Variants in METTL4 observed in about 807,000 individuals in gnomAD.
The protein encoded by METTL4 is methyltransferase 4, N6-adenosine, also known as N(6)-adenine-specific methyltransferase METTL4.
METTL4 carries 40 observed loss-of-function variants against 54.0 expected under a neutral mutation model. The observed-to-expected ratio is 0.74, with a 90% confidence interval of 0.58 to 0.96. METTL4 has a LOEUF of 0.96. METTL4 is among the 50% of genes least tolerant of loss of function. METTL4 has a pLI of 0.00. For synonymous variants in METTL4, 169 were observed against 183.8 expected (o/e 0.92, Z 0.65); for missense variants, 525 against 549.0 (o/e 0.96, Z 0.44).
In METTL4 at chr18:2,554,928, A is replaced by T; in HGVS notation, c.570T>A (p.Thr190=). The change falls in exon 4 of 9, where the codon ACT becomes ACA. Residue 190 remains threonine, a synonymous_variant. Transcript: ENST00000574538. ...ACAAACTGCAGGCGTCAAGTGGTAA[A>T]GTAATGGGCTTACTACCCTTGTCCT... The part of the protein sequence containing the change: ...EKQDKGSKPI[T]LPLDACSLSE... 6.2e-7 allele frequency: 1 copy of T among 1,614,158 alleles called. No individual in the cohort carries two copies. The highest frequency in any genetic ancestry group is 2.2e-5 in the East Asian group (1 of 44,876).
chr18:2,563,970 T>C, intron 2 of METTL4, 111 bp from the exon 3 acceptor site: 1 of 629,880 alleles, frequency 1.6e-6, no homozygotes, highest in Admixed American at 3.3e-5. Context: ...TAATAATTAA[T>C]AGTAGTAATT....
chr18:2,551,163 C>CAAAAAAA (rs752257490), intron 5 of METTL4, among the ~76,000 whole-genome samples: 1 of 49,248 alleles, frequency 2.0e-5, no homozygotes, highest in African/African-American at 7.2e-5. Context: ...GACTCCGTCT[C>CAAAAAAA]AAAAAAAAAA....
At chr18:2,551,455 C>A (rs905065849) in intron 5 of METTL4, among the ~76,000 whole-genome samples, 1 of 152,022 alleles carries the variant, frequency 6.6e-6, no homozygotes, top group African/African-American at 2.4e-5. Flanking sequence ...GTAATCTCAG[C>A]ACTATGGAGG....
chr18:2,567,768 C>T (rs557514320), intron 1 of METTL4, 114 bp from the exon 2 acceptor site: 1 of 152,264 alleles, frequency 6.6e-6, no homozygotes, highest in Non-Finnish European at 1.5e-5. Flanking sequence ...GGTAATCCCT[C>T]GTTTTTGCAA....
At chr18:2,545,931 G>A (rs2072063431) in intron 6 of METTL4, among the ~76,000 whole-genome samples, 1 of 151,972 alleles carries the variant, frequency 6.6e-6, no homozygotes, top group East Asian at 1.9e-4. Flanking sequence ...AACTACTACG[G>A]ATTAATAATC....
intron 6 of METTL4, 63 bp from the exon 7 acceptor site, chr18:2,544,822 C>T: frequency 3.0e-6 from 3 of 1,013,046 alleles, no homozygotes; most frequent in South Asian, 1.4e-5. Context: ...CTTCCACACA[C>T]ACACAAAAGA....
chr18:2,552,314 TA>T (rs1244444211), intron 5 of METTL4, among the ~76,000 whole-genome samples: 1 of 152,138 alleles, frequency 6.6e-6, no homozygotes, highest in Non-Finnish European at 1.5e-5. Context: ...ACTAAAAAAT[TA>T]AAAACAAATT....
Position 2,552,692 on chromosome 18 carries a change from T to TA in METTL4, c.899+2dup. ...GAAAGCAAATGCTTTCATTTCCACTTACCTATTACTTCTTTTAACTGATTT... is the reference window on the plus strand; with the variant it reads ...GAAAGCAAATGCTTTCATTTCCACTTAACCTATTACTTCTTTTAACTGATTT... On this transcript the variant is annotated splice_region_variant and intron_variant, in intron 5 of 8. Coordinates refer to ENST00000574538, the MANE Select transcript of METTL4 (RefSeq NM_022840.5). The TA allele has an allele frequency of 6.2e-7, 1 of 1,603,212 alleles. No individual in the cohort carries two copies. Among genetic ancestry groups the TA allele is most frequent in the South Asian group, 1.1e-5 (1 of 90,276 alleles).
intron 2 of METTL4, 34 bp from the exon 3 acceptor site, chr18:2,563,893 TG>T (rs1161727336): frequency 6.6e-7 from 1 of 1,516,890 alleles, no homozygotes; most frequent in Non-Finnish European, 9.1e-7. Flanking sequence ...GGAAAAGTTA[TG>T]TTGCCATTAA....
At chr18:2,552,955 T>C (rs571934660) in intron 4 of METTL4, 191 bp from the exon 5 acceptor site, 1 of 529,604 alleles carries the variant, frequency 1.9e-6, no homozygotes, top group African/African-American at 1.9e-5. Context: ...CCTTTACCTC[T>C]AGAATTGTAT....
In METTL4 at chr18:2,548,854, C is replaced by T. The variant is rs1322442996; in HGVS notation, c.900-1325G>A. On this transcript the variant is annotated intron_variant, in intron 5 of 8. Transcript: ENST00000574538. ...TTACCCTTCAACCTCACAGTTCCTGCAAACCTCCCATCTTAAATCAGTATC... is the reference window on the plus strand; with the variant it reads ...TTACCCTTCAACCTCACAGTTCCTGTAAACCTCCCATCTTAAATCAGTATC... Among the ~76,000 whole-genome samples, 6 of 152,328 alleles carry T rather than the reference C, an allele frequency of 3.9e-5. No homozygotes were observed. In the East Asian group the frequency reaches 1.2e-3, roughly 29 times the overall value.
At chr18:2,564,545 G>A (rs2072374173) in intron 2 of METTL4, among the ~76,000 whole-genome samples, 1 of 152,198 alleles carries the variant, frequency 6.6e-6, no homozygotes, top group South Asian at 2.1e-4. Flanking sequence ...TATGACTGAT[G>A]AGGGTTAGGT....
In METTL4 at chr18:2,567,594, G is replaced by C. The variant is rs139392794; in HGVS notation, c.-378C>G. The C allele has an allele frequency of 1.5e-4, 25 of 164,490 alleles. No individual in the cohort carries two copies. The highest frequency in any genetic ancestry group is 2.7e-4 in the Non-Finnish European group (21 of 76,364). 10.2% of individuals were successfully genotyped at this position (164,490 alleles called of 1,614,324 possible). On this transcript the variant is annotated 5_prime_UTR_variant, in exon 2 of 9. Coordinates refer to ENST00000574538, the MANE Select transcript of METTL4 (RefSeq NM_022840.5). ...CTTCTTGCTTTGGTCCTTGGGTCTA[G>C]CCACTAGGTCCACATCCTCCAAGTC...
At chr18:2,546,326 C>T (rs915408777) in intron 6 of METTL4, among the ~76,000 whole-genome samples, 11 of 152,064 alleles carry the variant, frequency 7.2e-5, no homozygotes, top group African/African-American at 1.9e-4. Flanking sequence ...CAGTATATTG[C>T]TATAATATTC....
At chr18:2,554,075 T>A (rs9952647) in intron 4 of METTL4, 15,124 of 152,208 alleles carry the variant, frequency 0.099, 1,317 homozygotes, top group African/African-American at 0.23. Flanking sequence ...AAAATGACCC[T>A]AAGCAGCAGG....
At chr18:2,556,575 A>G (rs1156863647) in intron 3 of METTL4, among the ~76,000 whole-genome samples, 1 of 152,184 alleles carries the variant, frequency 6.6e-6, no homozygotes, top group Non-Finnish European at 1.5e-5. Flanking sequence ...GATACAGATG[A>G]TAAAATTAGT....
At chr18:2,558,627 T>A (rs939964798) in intron 3 of METTL4, among the ~76,000 whole-genome samples, 17 of 144,700 alleles carry the variant, frequency 1.2e-4, no homozygotes, top group African/African-American at 2.5e-4. Context: ...AAAGAAATAA[T>A]AAAAAAAAAC....
chr18:2,540,633 C>T, intron 8 of METTL4: 1 of 985,360 alleles, frequency 1.0e-6, no homozygotes. Context: ...GGCTTCTAAC[C>T]CTTTCCTAAG....
intron 2 of METTL4, among the ~76,000 whole-genome samples, chr18:2,564,132 G>T (rs1307420352): frequency 6.6e-6 from 1 of 152,048 alleles, no homozygotes; most frequent in South Asian, 2.1e-4. Context: ...GGCCGGGCAC[G>T]GTGGCTCACG....
Sources: gnomAD v4.1 joint callset for allele counts (sites outside exome capture counted in the v4.1 genomes callset) on GRCh38, gnomAD v4.1.1 for gene constraint, MANE v1.5 for transcripts, NCBI Gene and HGNC (gene_info 2026-07-23, HGNC 2026-07-21) for gene names.